CDKN2B-AS1: variants seen among roughly 807,000 people sequenced by gnomAD.
CDKN2B-AS1 encodes CDKN2B and CDKN2A antisense cis and trans regulatory RNA 1.
intron 4 of CDKN2B-AS1, among the ~76,000 whole-genome samples, chr9:22,075,585 A>T (rs1213590439): frequency 1.3e-5 from 2 of 152,156 alleles, no homozygotes; most frequent in East Asian, 3.9e-4. Context: ...TCTGGGTCTT[A>T]ATTTGGTGGG....
intron 1 of CDKN2B-AS1, chr9:22,012,361 G>A: frequency 9.1e-7 from 1 of 1,100,198 alleles, no homozygotes; most frequent in Non-Finnish European, 1.4e-6. Context: ...CCCCGCACCT[G>A]GTGCTGCACC....
At chr9:22,093,559 C>T in intron 4 of CDKN2B-AS1, among the ~76,000 whole-genome samples, 2 of 129,620 alleles carry the variant, frequency 1.5e-5, no homozygotes, top group Non-Finnish European at 1.6e-5. Context: ...GAATTGATCC[C>T]TTACCATTAT....
intron 4 of CDKN2B-AS1, among the ~76,000 whole-genome samples, chr9:22,075,772 C>G (rs571887823): frequency 2.5e-4 from 38 of 152,138 alleles, no homozygotes; most frequent in African/African-American, 9.2e-4. Context: ...AAGGGACAAC[C>G]GTTCACGTGA....
intron 4 of CDKN2B-AS1, among the ~76,000 whole-genome samples, chr9:22,089,165 A>AAATT (rs1824972840): frequency 6.6e-6 from 1 of 152,196 alleles, no homozygotes; most frequent in South Asian, 2.1e-4. Context: ...AGATCACTTC[A>AAATT]ATCTCTAATT....
chr9:22,106,777 A>G (rs939861978), intron 4 of CDKN2B-AS1, among the ~76,000 whole-genome samples: 1 of 152,206 alleles, frequency 6.6e-6, no homozygotes, highest in Admixed American at 6.5e-5. Context: ...AATAATAGTA[A>G]TAATAACCAA....
chr9:22,043,682 C>T (rs1002850241), intron 1 of CDKN2B-AS1, among the ~76,000 whole-genome samples: 5 of 151,896 alleles, frequency 3.3e-5, no homozygotes, highest in African/African-American at 1.2e-4. Context: ...TATTCACATA[C>T]CACCTATACT....
At chr9:22,116,144 G>C (rs1017844325) in intron 4 of CDKN2B-AS1, among the ~76,000 whole-genome samples, 1 of 152,136 alleles carries the variant, frequency 6.6e-6, no homozygotes, top group Non-Finnish European at 1.5e-5. Context: ...AACATCTGAG[G>C]ATACTTTTAT....
rs560208777 is a variant in CDKN2B-AS1, at chr9:22,119,390, G to A, written n.439-7713G>A. The A allele has an allele frequency of 3.3e-5, 5 of 152,068 alleles. No homozygotes were observed. The South Asian group carries it at 6.2e-4, about 19-fold the overall frequency. 9.4% of individuals were successfully genotyped at this position (152,068 alleles called of 1,614,324 possible). A position where few individuals can be genotyped will look rare whatever the true frequency, so the allele number is the denominator to read the frequency against. On this transcript the variant is annotated intron_variant and non_coding_transcript_variant, in intron 4 of 4. Coordinates refer to ENST00000650946, the Ensembl canonical transcript of CDKN2B-AS1. ...CAGTCAAGTTCCATTTGACTGATTC[G>A]GAACTTTTTAGCAATGTATATTATG...
intron 4 of CDKN2B-AS1, among the ~76,000 whole-genome samples, chr9:22,121,292 C>T (rs1289020024): frequency 2.0e-5 from 3 of 151,874 alleles, no homozygotes; most frequent in Non-Finnish European, 4.4e-5. Flanking sequence ...GTAGAGGTTG[C>T]TCAAAAAGAA....
intron 4 of CDKN2B-AS1, among the ~76,000 whole-genome samples, chr9:22,071,930 G>A (rs1026199725): frequency 6.6e-6 from 1 of 152,156 alleles, no homozygotes; most frequent in African/African-American, 2.4e-5. Flanking sequence ...AGGACATGTG[G>A]AATCTTCAAA....
At chr9:22,004,368 G>GC (rs2131175153) in intron 1 of CDKN2B-AS1, 1 of 232,042 alleles carries the variant, frequency 4.3e-6, no homozygotes, top group South Asian at 1.8e-4. Context: ...GCATTTAGAA[G>GC]CATAATACAT....
At chr9:22,059,608 G>T (rs1429983591) in intron 4 of CDKN2B-AS1, among the ~76,000 whole-genome samples, 2 of 152,208 alleles carry the variant, frequency 1.3e-5, no homozygotes, top group African/African-American at 4.8e-5. Flanking sequence ...CCACTCTGGG[G>T]TCTGAAGGAC....
Position 22,005,869 on chromosome 9 carries a change from T to C in CDKN2B-AS1, n.29+10708T>C. ...TCCTTCCTGTGAGTCTCAGACAGGC[T>C]TGCAGGCTTACAGGCTTTCCGCCGC... is the stretch of plus-strand genomic sequence containing the variant. On this transcript the variant is annotated intron_variant and non_coding_transcript_variant, in intron 1 of 4. Coordinates refer to ENST00000650946, the Ensembl canonical transcript of CDKN2B-AS1. The surrounding 1 kb of genome is among the most constrained non-coding windows in gnomAD (Gnocchi z 4.9). The C allele has an allele frequency of 7.3e-7, 1 of 1,377,130 alleles. No homozygotes were observed. The highest frequency in any genetic ancestry group is 1.0e-6 in the Non-Finnish European group (1 of 1,004,308). 85.3% of individuals were successfully genotyped at this position (1,377,130 alleles called of 1,614,324 possible).
At chr9:22,108,815 C>T (rs1337999007) in intron 4 of CDKN2B-AS1, among the ~76,000 whole-genome samples, 1 of 152,110 alleles carries the variant, frequency 6.6e-6, no homozygotes, top group African/African-American at 2.4e-5. Flanking sequence ...ACAAACACCA[C>T]GGAGCAACAA....
At chr9:22,082,669 T>G (rs1489187983) in intron 4 of CDKN2B-AS1, among the ~76,000 whole-genome samples, 1 of 152,188 alleles carries the variant, frequency 6.6e-6, no homozygotes, top group Non-Finnish European at 1.5e-5. Context: ...AGGAGGAGCA[T>G]ATAATTATGT....
intron 4 of CDKN2B-AS1, among the ~76,000 whole-genome samples, chr9:22,084,919 T>C (rs1228937056): frequency 6.6e-6 from 1 of 152,000 alleles, no homozygotes; most frequent in Non-Finnish European, 1.5e-5. Flanking sequence ...CCAGCAGCTG[T>C]AATATGATAC....
At chr9:22,044,905 A>G (rs74744824) in intron 1 of CDKN2B-AS1, among the ~76,000 whole-genome samples, 2,029 of 152,144 alleles carry the variant, frequency 0.013, 22 homozygotes, top group Non-Finnish European at 0.019. Flanking sequence ...TCCTAAGAAT[A>G]CTACTCTATA....
At chr9:22,022,694 C>T (rs1198802452) in intron 1 of CDKN2B-AS1, among the ~76,000 whole-genome samples, 1 of 152,004 alleles carries the variant, frequency 6.6e-6, no homozygotes, top group African/African-American at 2.4e-5. Flanking sequence ...GCTTTGCAGA[C>T]TTGTTTTTGT....
chr9:22,041,136 G>A (rs1288585229), intron 1 of CDKN2B-AS1, among the ~76,000 whole-genome samples: 1 of 152,012 alleles, frequency 6.6e-6, no homozygotes, highest in East Asian at 1.9e-4. Flanking sequence ...TGGTGTAAGA[G>A]ATAAAACTGG....
Sources: allele counts gnomAD v4.1 joint callset (sites outside exome capture counted in the v4.1 genomes callset), GRCh38; gene constraint gnomAD v4.1.1; non-coding constraint Gnocchi (gnomAD v3.1); transcripts MANE v1.5; gene names NCBI Gene and HGNC (gene_info 2026-07-23, HGNC 2026-07-21).